Variants in CYP39A1 observed in about 807,000 individuals in gnomAD.
The protein encoded by CYP39A1 is 24-hydroxycholesterol 7-alpha-hydroxylase.
Under a neutral mutation model 58.1 loss-of-function variants are expected in CYP39A1, and 49 were observed. The observed-to-expected ratio is 0.84, with a 90% CI of 0.67 to 1.07. The LOEUF (loss-of-function observed/expected upper bound fraction) is 1.07, where lower values mean the gene tolerates loss of function less well. Ranked by LOEUF, CYP39A1 falls within the 50% of genes least tolerant of loss-of-function variation. The pLI is 0.00. For synonymous variants in CYP39A1, 209 were observed against 187.6 expected, an observed-to-expected ratio of 1.11 and a Z score of -0.93; for missense variants, 531 against 539.4, an observed-to-expected ratio of 0.98 and a Z score of 0.16.
At chr6:46,552,077 A>C (rs1451044289) in intron 11 of CYP39A1, among the ~76,000 whole-genome samples, 2 of 152,210 alleles carry the variant, frequency 1.3e-5, no homozygotes, top group Admixed American at 6.5e-5. Flanking sequence ...CTTAGGAGAA[A>C]ATGCTAGGAA....
intron 10 of CYP39A1, among the ~76,000 whole-genome samples, chr6:46,559,440 T>C (rs977334042): frequency 2.0e-5 from 3 of 152,188 alleles, no homozygotes; most frequent in Admixed American, 6.5e-5. Context: ...TCTAGGACTA[T>C]AGGAAAATAA....
At chr6:46,564,163 C>T (rs806498) in intron 10 of CYP39A1, among the ~76,000 whole-genome samples, 22,468 of 138,532 alleles carry the variant, frequency 0.16, 4,611 homozygotes, top group African/African-American at 0.46. Flanking sequence ...CTATTTTATT[C>T]TATTTTATTC....
intron 10 of CYP39A1, among the ~76,000 whole-genome samples, chr6:46,576,563 T>C (rs1333944106): frequency 6.6e-6 from 1 of 152,172 alleles, no homozygotes; most frequent in Non-Finnish European, 1.5e-5. Flanking sequence ...CATCAAGATA[T>C]AGGAGAAGGT....
intron 10 of CYP39A1, among the ~76,000 whole-genome samples, chr6:46,567,583 C>T (rs1771363881): frequency 6.6e-6 from 1 of 152,046 alleles, no homozygotes; most frequent in Non-Finnish European, 1.5e-5. Flanking sequence ...TACATTCCCA[C>T]CAATAATGCA....
At chr6:46,619,927 C>T (rs9463218) in intron 7 of CYP39A1, among the ~76,000 whole-genome samples, 29,047 of 151,832 alleles carry the variant, frequency 0.19, 2,982 homozygotes, top group African/African-American at 0.27. Context: ...GGAGGTTTTC[C>T]AAAGAAATTT....
chr6:46,561,083 CA>C (rs1770946335), intron 10 of CYP39A1, among the ~76,000 whole-genome samples: 1 of 152,056 alleles, frequency 6.6e-6, no homozygotes, highest in South Asian at 2.1e-4. Context: ...CTCACTTTTT[CA>C]AATAACTAAG....
intron 8 of CYP39A1, among the ~76,000 whole-genome samples, chr6:46,593,714 C>G (rs1289500428): frequency 1.3e-5 from 2 of 152,068 alleles, no homozygotes; most frequent in Non-Finnish European, 2.9e-5. Context: ...TAGTAGAGGA[C>G]TGATTAAATG....
At chr6:46,559,210 C>A (rs1169080882) in intron 10 of CYP39A1, among the ~76,000 whole-genome samples, 1 of 152,082 alleles carries the variant, frequency 6.6e-6, no homozygotes, top group Non-Finnish European at 1.5e-5. Context: ...CCTGCTAAAG[C>A]CCCTCATGTT....
chr6:46,588,917 C>G (rs954454232), intron 8 of CYP39A1, among the ~76,000 whole-genome samples: 2 of 152,080 alleles, frequency 1.3e-5, no homozygotes, highest in Non-Finnish European at 2.9e-5. Flanking sequence ...AAACCCATTT[C>G]ACAAAATCTC....
At chr6:46,575,228 C>T (rs1257425331) in intron 10 of CYP39A1, among the ~76,000 whole-genome samples, 2 of 152,110 alleles carry the variant, frequency 1.3e-5, no homozygotes, top group African/African-American at 4.8e-5. Context: ...CTGGAAAGAG[C>T]CCAGAGGGTT....
intron 8 of CYP39A1, among the ~76,000 whole-genome samples, chr6:46,590,468 C>G (rs550075176): frequency 1.3e-5 from 2 of 152,234 alleles, no homozygotes; most frequent in African/African-American, 4.8e-5. Context: ...GGCAACACAT[C>G]TATAGCAGGA....
intron 1 of CYP39A1, 76 bp from the exon 2 acceptor site, chr6:46,642,374 T>A: frequency 7.1e-7 from 1 of 1,405,558 alleles, no homozygotes; most frequent in Non-Finnish European, 9.7e-7. Context: ...TCAAGAATCC[T>A]AATGCTGAAG....
At chr6:46,639,355 G>T (rs1477877998) in intron 3 of CYP39A1, 139 bp downstream of exon 3, 6 of 781,886 alleles carry the variant, frequency 7.7e-6, no homozygotes, top group Admixed American at 3.1e-5. Context: ...TAATTTAAAA[G>T]ATTAAAATAA....
intron 1 of CYP39A1, among the ~76,000 whole-genome samples, chr6:46,652,115 A>G (rs916232709): frequency 1.3e-5 from 2 of 152,258 alleles, no homozygotes; most frequent in Non-Finnish European, 2.9e-5. Context: ...CATTTACTTA[A>G]CACATACACA....
chr6:46,629,281 T>C (rs1775507850), intron 6 of CYP39A1, among the ~76,000 whole-genome samples: 1 of 152,240 alleles, frequency 6.6e-6, no homozygotes, highest in Admixed American at 6.5e-5. Flanking sequence ...AATGGGGCTT[T>C]GTGTGTCTTT....
At chr6:46,619,707 C>T (rs1293921863) in intron 7 of CYP39A1, among the ~76,000 whole-genome samples, 2 of 152,006 alleles carry the variant, frequency 1.3e-5, no homozygotes, top group East Asian at 1.9e-4. Flanking sequence ...TTTTTCTCTC[C>T]TAATATCTTC....
At chr6:46,594,753 C>A (rs1211855500) in intron 8 of CYP39A1, among the ~76,000 whole-genome samples, 2 of 151,764 alleles carry the variant, frequency 1.3e-5, no homozygotes, top group Non-Finnish European at 2.9e-5. Flanking sequence ...ATCTGGGCAA[C>A]AATTTTTTGA....
chr6:46,607,363 TAA>T (rs78099617), intron 7 of CYP39A1, among the ~76,000 whole-genome samples: 13 of 140,654 alleles, frequency 9.2e-5, no homozygotes, highest in Non-Finnish European at 9.3e-5. Flanking sequence ...TTCTTGGGCT[TAA>T]AAAAAAAAAA....
At chr6:46,592,931 G>A (rs182107792) in intron 8 of CYP39A1, among the ~76,000 whole-genome samples, 1 of 151,790 alleles carries the variant, frequency 6.6e-6, no homozygotes, top group Non-Finnish European at 1.5e-5. Flanking sequence ...ACTCCAGCAT[G>A]GGCAACAGAG....
Sources: allele counts gnomAD v4.1 joint callset (sites outside exome capture counted in the v4.1 genomes callset), GRCh38; gene constraint gnomAD v4.1.1; transcripts MANE v1.5; gene names NCBI Gene and HGNC (gene_info 2026-07-23, HGNC 2026-07-21).